The following SMIM14 variants were observed in gnomAD, a reference collection of about 807,000 sequenced individuals.
SMIM14 encodes chromosome 4 open reading frame 34.
Under a neutral mutation model 12.6 loss-of-function variants are expected in SMIM14, and 5 were observed. The observed-to-expected ratio is 0.40, with a 90% confidence interval of 0.21 to 0.83. The LOEUF (loss-of-function observed/expected upper bound fraction) is 0.83. Ranked by LOEUF, SMIM14 falls within the 40% of genes least tolerant of loss-of-function variation. The pLI, the probability that SMIM14 is intolerant of heterozygous loss-of-function variation, is 0.37. For synonymous variants in SMIM14, 30 were observed against 40.1 expected (o/e 0.75, Z 0.95); for missense variants, 86 against 119.1 (o/e 0.72, Z 1.29).
At chr4:39,614,731 G>GCAA (rs947630927) in intron 1 of SMIM14, among the ~76,000 whole-genome samples, 2 of 152,106 alleles carry the variant, frequency 1.3e-5, no homozygotes, top group Non-Finnish European at 2.9e-5. Context: ...TATATATTAA[G>GCAA]CAACATGGTT....
chr4:39,623,133 G>T (rs1252965709), intron 1 of SMIM14, among the ~76,000 whole-genome samples: 1 of 152,004 alleles, frequency 6.6e-6, no homozygotes, highest in East Asian at 1.9e-4. Context: ...TATCTCTTAG[G>T]AATCTCACTA....
chr4:39,591,032 C>T (rs1714050141), intron 2 of SMIM14, among the ~76,000 whole-genome samples: 1 of 151,934 alleles, frequency 6.6e-6, no homozygotes, highest in Non-Finnish European at 1.5e-5. Flanking sequence ...AGGAACCCCC[C>T]TCAGATTCCA....
intron 2 of SMIM14, among the ~76,000 whole-genome samples, chr4:39,604,246 C>G (rs1036204614): frequency 1.3e-5 from 2 of 152,034 alleles, no homozygotes; most frequent in African/African-American, 4.8e-5. Context: ...ACCATAAAGA[C>G]AGTAGTCTGG....
chr4:39,560,375 T>G (rs756717108), intron 3 of SMIM14, among the ~76,000 whole-genome samples: 1 of 150,292 alleles, frequency 6.7e-6, no homozygotes, highest in Non-Finnish European at 1.5e-5. Context: ...GATTTCACCA[T>G]GTTGGCCAGG....
intron 1 of SMIM14, among the ~76,000 whole-genome samples, chr4:39,622,562 A>G (rs1355577588): frequency 6.6e-6 from 1 of 152,070 alleles, no homozygotes; most frequent in East Asian, 1.9e-4. Flanking sequence ...CACCACACCC[A>G]GCTAATTTTT....
At chr4:39,584,501 A>AAAAAAAAAC in intron 2 of SMIM14, among the ~76,000 whole-genome samples, 1 of 135,966 alleles carries the variant, frequency 7.4e-6, no homozygotes, top group Non-Finnish European at 1.6e-5. Context: ...AAAAAAAAAA[A>AAAAAAAAAC]AAAAGACAAA....
In SMIM14 at chr4:39,572,550, G is replaced by A. The variant is rs1019180421; in HGVS notation, c.76-87C>T. 13 of 1,160,754 alleles carry A rather than the reference G, an allele frequency of 1.1e-5. No homozygotes were observed. In the African/African-American group the frequency reaches 1.5e-4, roughly 14 times the overall value. The allele number at this position is 1,160,754 out of a possible 1,614,324, so 71.9% of individuals were successfully genotyped here. On this transcript the variant is annotated intron_variant, in intron 2 of 4. Transcript: ENST00000295958. ...TAGAAAGATCATGTTTTGGCCGGGT[G>A]CGGTGGCTCACGCCTGTAATCCCAC... is the stretch of plus-strand genomic sequence containing the variant.
chr4:39,628,232 G>A (rs1715771497), intron 1 of SMIM14, among the ~76,000 whole-genome samples: 1 of 151,666 alleles, frequency 6.6e-6, no homozygotes, highest in Non-Finnish European at 1.5e-5. Flanking sequence ...GCTTGAACCT[G>A]GGAGGCAGAC....
At chr4:39,555,423 G>T (rs1711960642) in intron 4 of SMIM14, among the ~76,000 whole-genome samples, 1 of 151,928 alleles carries the variant, frequency 6.6e-6, no homozygotes, top group Non-Finnish European at 1.5e-5. Flanking sequence ...AGTAGAGACA[G>T]GGTTTCACCA....
chr4:39,573,084 A>T (rs1243433431), intron 2 of SMIM14, among the ~76,000 whole-genome samples: 3 of 149,484 alleles, frequency 2.0e-5, no homozygotes, highest in African/African-American at 7.4e-5. Context: ...GGTTTTTATT[A>T]TTATTATTAT....
intron 3 of SMIM14, among the ~76,000 whole-genome samples, chr4:39,567,202 T>A (rs1433028757): frequency 7.2e-6 from 1 of 138,400 alleles, no homozygotes; most frequent in Admixed American, 7.3e-5. Context: ...GAAAAAAATG[T>A]GACATGGGAA....
At chr4:39,565,986 A>G (rs1712552687) in intron 3 of SMIM14, among the ~76,000 whole-genome samples, 1 of 152,010 alleles carries the variant, frequency 6.6e-6, no homozygotes, top group Admixed American at 6.6e-5. Flanking sequence ...AGGCCTCCCC[A>G]GACATGTGGA....
At chr4:39,573,182 G>A (rs1712990168) in intron 2 of SMIM14, among the ~76,000 whole-genome samples, 1 of 150,410 alleles carries the variant, frequency 6.6e-6, no homozygotes, top group Non-Finnish European at 1.5e-5. Context: ...TGCAACCTCC[G>A]CCTCCCAGGT....
rs568847594 is a variant in SMIM14, at chr4:39,638,582, G to C, written c.-36+157C>G. The C allele has an allele frequency of 3.1e-6, 3 of 981,174 alleles. No homozygotes were observed. The African/African-American group carries it at 5.2e-5, about 17-fold the overall frequency. The allele number at this position is 981,174 out of a possible 1,614,324, so 60.8% of individuals were successfully genotyped here. A position where few individuals can be genotyped will look rare whatever the true frequency, so the allele number is the denominator to read the frequency against. ...CAGCAGCGGAGCTTCTCCCGGTGCAGAATCGCCAGCCCGGCCGAGGAAACG... is the reference window on the plus strand; with the variant it reads ...CAGCAGCGGAGCTTCTCCCGGTGCACAATCGCCAGCCCGGCCGAGGAAACG... On this transcript the variant is annotated intron_variant, in intron 1 of 4. Transcript: ENST00000295958.
intron 2 of SMIM14, chr4:39,587,875 G>A (rs1713864046): frequency 6.6e-6 from 1 of 152,266 alleles, no homozygotes; most frequent in Admixed American, 6.5e-5. Flanking sequence ...TAGGAAAGGT[G>A]TTATGACTTC....
chr4:39,573,290 C>T (rs903554037), intron 2 of SMIM14, among the ~76,000 whole-genome samples: 5 of 151,850 alleles, frequency 3.3e-5, no homozygotes, highest in African/African-American at 1.2e-4. Flanking sequence ...TAGAGATGGG[C>T]TTTCACCATG....
At chr4:39,556,138 G>A (rs1016926942) in intron 4 of SMIM14, among the ~76,000 whole-genome samples, 5 of 151,522 alleles carry the variant, frequency 3.3e-5, no homozygotes, top group Admixed American at 1.3e-4. Context: ...AGTCCAGCCT[G>A]GGCGGCACAG....
chr4:39,595,385 C>G (rs1203789245), intron 2 of SMIM14, among the ~76,000 whole-genome samples: 1 of 118,424 alleles, frequency 8.4e-6, no homozygotes, highest in Non-Finnish European at 1.6e-5. Context: ...AGGGGAACAT[C>G]ACACTCTGGG....
At position 39,584,793 on chromosome 4, in the gene SMIM14, C is replaced by CAAAAAAAAAAA. The variant is rs34970724; in HGVS notation, c.76-12341_76-12331dup. ...CCTGGGTAATCAAGCAGGACCTTGT[C>CAAAAAAAAAAA]AAAAAAAAAAAAAAAAAAGAAAAAA... On this transcript the variant is annotated intron_variant, in intron 2 of 4. Coordinates refer to ENST00000295958, the MANE Select transcript of SMIM14 (RefSeq NM_174921.3). Among the ~76,000 whole-genome samples, 151 of 76,276 alleles carry CAAAAAAAAAAA rather than the reference C, an allele frequency of 2.0e-3. 1 individual carries two copies. The highest frequency in any genetic ancestry group is 7.4e-3 in the African/African-American group (143 of 19,266). The allele number at this position is 76,276 out of a possible 152,430, so 50.0% of individuals were successfully genotyped here. A position where few individuals can be genotyped will look rare whatever the true frequency, so the allele number is the denominator to read the frequency against.
Sources: allele counts gnomAD v4.1 joint callset (sites outside exome capture counted in the v4.1 genomes callset), GRCh38; gene constraint gnomAD v4.1.1; transcripts MANE v1.5; gene names NCBI Gene and HGNC (gene_info 2026-07-23, HGNC 2026-07-21).